GPHN: variants seen among roughly 807,000 people sequenced by gnomAD.
GPHN encodes the protein gephyrin.
In GPHN, 17 loss-of-function variants were observed where a neutral mutation model predicts 95.5. That is an observed-to-expected ratio of 0.18 (90% CI 0.12 to 0.27). The LOEUF (loss-of-function observed/expected upper bound fraction) is 0.27, where lower values mean the gene tolerates loss of function less well. Ranked by LOEUF, GPHN falls within the 10% of genes least tolerant of loss-of-function variation. The pLI, the probability that GPHN is intolerant of heterozygous loss-of-function variation, is 1.00. For missense variants in GPHN, 660 were observed against 978.1 expected, an observed-to-expected ratio of 0.67 and a Z score of 4.34; for synonymous variants, 320 against 322.5, an observed-to-expected ratio of 0.99 and a Z score of 0.08.
chr14:67,684,622 C>T, the GPHN span: 2 of 151,270 alleles, frequency 1.3e-5, no homozygotes, highest in African/African-American at 2.5e-5. Context: ...TTTCACCTGA[C>T]CTTAGGTGAT....
the GPHN span, among the ~76,000 whole-genome samples, chr14:67,704,158 T>C: frequency 6.6e-6 from 1 of 152,176 alleles, no homozygotes; most frequent in East Asian, 1.9e-4. Flanking sequence ...GAAATGTGTG[T>C]ATTGTGAAAT....
chr14:66,956,507 TA>T (rs2068515049), intron 8 of GPHN, among the ~76,000 whole-genome samples: 1 of 151,936 alleles, frequency 6.6e-6, no homozygotes, highest in Non-Finnish European at 1.5e-5. Context: ...ACCAACAGTG[TA>T]AAAGTGTTCC....
chr14:66,793,369 G>A (rs1462226995), intron 3 of GPHN, among the ~76,000 whole-genome samples: 1 of 152,166 alleles, frequency 6.6e-6, no homozygotes, highest in Admixed American at 6.5e-5. Context: ...AAGCTGAATT[G>A]CAGTAAGTAC....
chr14:66,666,970 A>G (rs1264683998), intron 1 of GPHN, among the ~76,000 whole-genome samples: 1 of 152,228 alleles, frequency 6.6e-6, no homozygotes, highest in Non-Finnish European at 1.5e-5. Flanking sequence ...TGTAAAAATC[A>G]CTAGCATTCC....
chr14:66,524,832 C>G (rs2058622846), intron 1 of GPHN, among the ~76,000 whole-genome samples: 1 of 152,054 alleles, frequency 6.6e-6, no homozygotes. Context: ...TGAACTCATC[C>G]TTTTTTTATG....
chr14:66,693,195 CTG>C (rs1482442717), intron 2 of GPHN, among the ~76,000 whole-genome samples: 5 of 152,016 alleles, frequency 3.3e-5, no homozygotes, highest in African/African-American at 7.2e-5. Flanking sequence ...TTTCAAATAA[CTG>C]TTTCTACGTT....
At chr14:67,345,767 C>A in the GPHN span, 1 of 1,608,132 alleles carries the variant, frequency 6.2e-7, no homozygotes, top group Admixed American at 1.7e-5. Context: ...TTGCTACTTA[C>A]CTGCAGAGAA....
At chr14:67,251,964 A>G in the GPHN span, among the ~76,000 whole-genome samples, 2 of 152,098 alleles carry the variant, frequency 1.3e-5, no homozygotes, top group Admixed American at 6.6e-5. Context: ...AAACTCCTAA[A>G]TGACAGTGTT....
intron 2 of GPHN, among the ~76,000 whole-genome samples, chr14:66,682,814 T>C (rs1036289426): frequency 6.6e-6 from 1 of 152,202 alleles, no homozygotes. Flanking sequence ...TGTATGTCTG[T>C]TTAATGCAGC....
At chr14:66,914,648 G>A (rs567700121) in intron 5 of GPHN, among the ~76,000 whole-genome samples, 8 of 151,950 alleles carry the variant, frequency 5.3e-5, no homozygotes, top group Non-Finnish European at 1.0e-4. Flanking sequence ...TATATTCTAC[G>A]AGGGATTATT....
the GPHN span, among the ~76,000 whole-genome samples, chr14:67,577,821 A>C: frequency 6.6e-6 from 1 of 152,260 alleles, no homozygotes; most frequent in African/African-American, 2.4e-5. Flanking sequence ...AGAACATTTT[A>C]AAAAGGAAAC....
At chr14:67,038,084 A>G (rs1007769546) in intron 10 of GPHN, among the ~76,000 whole-genome samples, 1 of 152,112 alleles carries the variant, frequency 6.6e-6, no homozygotes, top group Non-Finnish European at 1.5e-5. Context: ...GGGATAGGCA[A>G]AATATGGTCT....
the GPHN span, chr14:67,199,597 G>C: frequency 6.3e-7 from 1 of 1,592,872 alleles, no homozygotes; most frequent in Non-Finnish European, 8.6e-7. Flanking sequence ...ATGCCTTCGA[G>C]AAGGACTCCA....
At chr14:66,514,551 G>C (rs2058165993) in intron 1 of GPHN, among the ~76,000 whole-genome samples, 1 of 152,124 alleles carries the variant, frequency 6.6e-6, no homozygotes, top group Non-Finnish European at 1.5e-5. Context: ...GCAGGAAAGA[G>C]AAATATAGGA....
intron 1 of GPHN, among the ~76,000 whole-genome samples, chr14:66,612,996 T>C (rs1010580575): frequency 1.3e-5 from 2 of 152,114 alleles, no homozygotes; most frequent in East Asian, 3.8e-4. Context: ...TGAGTAAAGC[T>C]GCTGTGAATA....
the GPHN span, chr14:67,347,293 G>C: frequency 2.5e-6 from 2 of 802,422 alleles, no homozygotes; most frequent in South Asian, 3.5e-5. Flanking sequence ...CAAATAAGAG[G>C]ATTTCTAACT....
chr14:66,589,970 A>T (rs905431974), intron 1 of GPHN, among the ~76,000 whole-genome samples: 9 of 152,110 alleles, frequency 5.9e-5, no homozygotes. Flanking sequence ...TGGAAATCAT[A>T]ATAGTCTCTC....
the GPHN span, among the ~76,000 whole-genome samples, chr14:67,412,547 C>A: frequency 6.6e-6 from 1 of 152,062 alleles, no homozygotes; most frequent in African/African-American, 2.4e-5. Flanking sequence ...TTATCCTGGC[C>A]TCTGATGGGG....
intron 8 of GPHN, among the ~76,000 whole-genome samples, chr14:66,938,153 A>G (rs2067225327): frequency 6.6e-6 from 1 of 152,210 alleles, no homozygotes; most frequent in Non-Finnish European, 1.5e-5. Context: ...ATCAGTTTGT[A>G]CAATTATATC....
Sources: gnomAD v4.1 joint callset for allele counts (sites outside exome capture counted in the v4.1 genomes callset) on GRCh38, gnomAD v4.1.1 for gene constraint, MANE v1.5 for transcripts, NCBI Gene and HGNC (gene_info 2026-07-23, HGNC 2026-07-21) for gene names.